The following PDZRN4 variants were observed in gnomAD, a reference collection of about 807,000 sequenced individuals.
PDZRN4 encodes the protein PDZ domain containing ring finger 4.
A neutral mutation model predicts 99.0 loss-of-function variants in PDZRN4; 70 were observed. The ratio of observed to expected loss-of-function variants is 0.71; its 90% CI spans 0.58 to 0.86. PDZRN4 has a LOEUF of 0.86. Ranked by LOEUF, PDZRN4 falls within the 40% of genes least tolerant of loss-of-function variation. The probability of loss-of-function intolerance (pLI) is 0.00; values close to 1 mark genes in which losing one functional copy is unlikely to be tolerated. For synonymous variants in PDZRN4, 551 were observed against 501.6 expected (o/e 1.10, Z -1.32); for missense variants, 1,474 against 1,331.2 (o/e 1.11, Z -1.67).
chr12:41,207,642 T>C (rs1397106454), intron 3 of PDZRN4, among the ~76,000 whole-genome samples: 2 of 151,828 alleles, frequency 1.3e-5, no homozygotes, highest in Non-Finnish European at 2.9e-5. Context: ...AGGATGATGA[T>C]GGCTATAAAA....
intron 5 of PDZRN4, among the ~76,000 whole-genome samples, chr12:41,536,028 C>G (rs1447825803): frequency 2.6e-5 from 4 of 152,166 alleles, no homozygotes; most frequent in African/African-American, 9.7e-5. Flanking sequence ...CAGCTTCATT[C>G]TCGTGGTCTC....
At chr12:41,569,485 C>T (rs919089202) in intron 9 of PDZRN4, among the ~76,000 whole-genome samples, 1 of 151,816 alleles carries the variant, frequency 6.6e-6, no homozygotes, top group Non-Finnish European at 1.5e-5. Flanking sequence ...GAACTCCTGA[C>T]CTCAAGTGCT....
At chr12:41,552,812 A>G in intron 6 of PDZRN4, 58 bp downstream of exon 6, 1 of 1,296,546 alleles carries the variant, frequency 7.7e-7, no homozygotes, top group Non-Finnish European at 1.1e-6. Context: ...ACAGAGCGAA[A>G]TGACTCACAA....
chr12:41,319,207 T>G (rs1439749288), intron 3 of PDZRN4, among the ~76,000 whole-genome samples: 1 of 152,116 alleles, frequency 6.6e-6, no homozygotes, highest in Non-Finnish European at 1.5e-5. Context: ...CTCCCTAAGA[T>G]TTCACAGAGG....
At chr12:41,533,267 C>T (rs11180982) in intron 5 of PDZRN4, among the ~76,000 whole-genome samples, 11 of 151,838 alleles carry the variant, frequency 7.2e-5, no homozygotes, top group Non-Finnish European at 1.6e-4. Flanking sequence ...CTCCCCCTCC[C>T]GGATTCAAGC....
At position 41,567,883 on chromosome 12, in the gene PDZRN4, C is replaced by A. The variant is rs1939403824; in HGVS notation, c.1568C>A (p.Ala523Asp). 2.5e-6 allele frequency: 4 copies of A among 1,605,530 alleles called. No homozygotes were observed. Among genetic ancestry groups the A allele is most frequent in the Non-Finnish European group, 3.4e-6 (4 of 1,173,754 alleles). ...CATAATGAAGCAATGCAGCCCACTG[C>A]CAATGAGGTGGAGCAGGTAGGGCCA... ...EEHNEAMQPT[A>D]NEVEQPKKQE... The change falls in exon 9 of 10, where the codon GCC becomes GAC. Residue 523 changes from alanine to aspartate, a missense_variant. Coordinates refer to ENST00000402685, the MANE Select transcript of PDZRN4 (RefSeq NM_001164595.2).
chr12:41,188,431 TC>T lies in PDZRN4; in HGVS notation c.-20del. 6.5e-7 allele frequency: 1 copy of T among 1,545,308 alleles called. No individual in the cohort carries two copies. Among genetic ancestry groups the T allele is most frequent in the Non-Finnish European group, 8.7e-7 (1 of 1,151,732 alleles). On this transcript the variant is annotated 5_prime_UTR_variant, in exon 1 of 10. Transcript: ENST00000402685. ...CGGAGAAGACGGACTCTGCTTTCGC[TC>T]CCCCTTTCTTCCCCATCCCTAACAT...
chr12:41,454,910 G>A (rs1282871119), intron 3 of PDZRN4, among the ~76,000 whole-genome samples: 2 of 152,220 alleles, frequency 1.3e-5, no homozygotes, highest in East Asian at 3.8e-4. Flanking sequence ...ATAGCCACTA[G>A]CCACATAGGA....
chr12:41,507,098 C>A (rs1938220912), intron 4 of PDZRN4, among the ~76,000 whole-genome samples: 1 of 152,142 alleles, frequency 6.6e-6, no homozygotes, highest in Non-Finnish European at 1.5e-5. Context: ...GGCATCTTGG[C>A]ACCACATTCT....
At chr12:41,233,636 T>TA (rs1951045368) in intron 3 of PDZRN4, among the ~76,000 whole-genome samples, 1 of 152,022 alleles carries the variant, frequency 6.6e-6, no homozygotes. Context: ...ATGTCCTTTG[T>TA]AGGGACATGG....
At chr12:41,533,064 G>A (rs1938687205) in intron 5 of PDZRN4, among the ~76,000 whole-genome samples, 1 of 151,828 alleles carries the variant, frequency 6.6e-6, no homozygotes, top group Non-Finnish European at 1.5e-5. Flanking sequence ...TAATAGATTT[G>A]TCAAAGTCTA....
At chr12:41,391,308 C>T (rs1952210063) in intron 3 of PDZRN4, among the ~76,000 whole-genome samples, 1 of 152,142 alleles carries the variant, frequency 6.6e-6, no homozygotes, top group Non-Finnish European at 1.5e-5. Flanking sequence ...CTAAAGCAGA[C>T]TGAAAAGCTG....
At chr12:41,291,305 C>T (rs1951455439) in intron 3 of PDZRN4, among the ~76,000 whole-genome samples, 1 of 151,998 alleles carries the variant, frequency 6.6e-6, no homozygotes. Context: ...AATGGAAGGG[C>T]CAAGAAAGTC....
At chr12:41,545,573 G>A (rs1938935075) in intron 5 of PDZRN4, among the ~76,000 whole-genome samples, 1 of 151,002 alleles carries the variant, frequency 6.6e-6, no homozygotes. Context: ...GTGATCTAAT[G>A]AGGATACTGA....
rs113360209 is a variant in PDZRN4, at chr12:41,414,910, A to G, written c.844-91546A>G. ...GGGACTAGCAGAGCCAAAGGCCCTG[A>G]GATAGCAGAGTCAAGGGAAGAGCAC... On this transcript the variant is annotated intron_variant, in intron 3 of 9. Coordinates refer to ENST00000402685, the MANE Select transcript of PDZRN4 (RefSeq NM_001164595.2). Among the ~76,000 whole-genome samples, 747 of 152,292 alleles carry G rather than the reference A, an allele frequency of 4.9e-3. 6 individuals are homozygous for G. The highest frequency in any genetic ancestry group is 0.016 in the African/African-American group (678 of 41,562).
At chr12:41,252,768 A>G (rs191580276) in intron 3 of PDZRN4, among the ~76,000 whole-genome samples, 23 of 152,276 alleles carry the variant, frequency 1.5e-4, no homozygotes, top group African/African-American at 5.3e-4. Flanking sequence ...CAGTCTTAAC[A>G]GAAAGCAGAT....
chr12:41,376,410 T>G (rs1444895135), intron 3 of PDZRN4, among the ~76,000 whole-genome samples: 2 of 152,188 alleles, frequency 1.3e-5, no homozygotes, highest in Non-Finnish European at 2.9e-5. Context: ...TTTTTTTAGA[T>G]AATAGCCATC....
At chr12:41,277,187 C>A (rs2120874648) in intron 3 of PDZRN4, among the ~76,000 whole-genome samples, 1 of 152,232 alleles carries the variant, frequency 6.6e-6, no homozygotes, top group East Asian at 1.9e-4. Flanking sequence ...AATGAGCGTG[C>A]ACAGGAATTT....
At chr12:41,196,711 G>A (rs966441190) in intron 3 of PDZRN4, among the ~76,000 whole-genome samples, 1 of 151,938 alleles carries the variant, frequency 6.6e-6, no homozygotes, top group Non-Finnish European at 1.5e-5. Context: ...TAGTTTCTCT[G>A]TCATTATGAT....
Sources: gnomAD v4.1 joint callset for allele counts (sites outside exome capture counted in the v4.1 genomes callset) on GRCh38, gnomAD v4.1.1 for gene constraint, MANE v1.5 for transcripts, NCBI Gene and HGNC (gene_info 2026-07-23, HGNC 2026-07-21) for gene names.